NCOA7: variants seen among roughly 807,000 people sequenced by gnomAD.
NCOA7 encodes nuclear receptor coactivator 7, also known as 140 kDa estrogen receptor-associated protein.
In NCOA7, 45 loss-of-function variants were observed where a neutral mutation model predicts 104.3. That is an observed-to-expected ratio of 0.43 (90% CI 0.34 to 0.55). The LOEUF (loss-of-function observed/expected upper bound fraction) is 0.55. Among genes scored for constraint, NCOA7 ranks in the 20% least tolerant of loss-of-function variants. The pLI is 0.02. For missense variants in NCOA7, 1,041 were observed against 1,119.7 expected (o/e 0.93, Z 1.00); for synonymous variants, 398 against 402.3 (o/e 0.99, Z 0.13).
At chr6:125,912,906 G>C (rs1786714687) in intron 10 of NCOA7, among the ~76,000 whole-genome samples, 1 of 152,126 alleles carries the variant, frequency 6.6e-6, no homozygotes, top group Non-Finnish European at 1.5e-5. Flanking sequence ...GGGGTAGACA[G>C]GGATGTAAGA....
chr6:125,910,189 G>A (rs1033589639), intron 10 of NCOA7, among the ~76,000 whole-genome samples: 3 of 152,032 alleles, frequency 2.0e-5, no homozygotes, highest in East Asian at 1.9e-4. Context: ...GGAAAACATC[G>A]GGCATAGCTG....
intron 2 of NCOA7, among the ~76,000 whole-genome samples, chr6:125,854,037 G>T (rs1583382206): frequency 6.6e-6 from 1 of 151,988 alleles, no homozygotes; most frequent in East Asian, 1.9e-4. Context: ...ACATCAAATT[G>T]GACATATGCT....
At chr6:125,792,957 C>A (rs1338959848) in intron 1 of NCOA7, among the ~76,000 whole-genome samples, 1 of 152,178 alleles carries the variant, frequency 6.6e-6, no homozygotes, top group Non-Finnish European at 1.5e-5. Context: ...GGTTTTCTTT[C>A]TGACATTTTA....
intron 2 of NCOA7, among the ~76,000 whole-genome samples, chr6:125,837,202 T>C (rs981540819): frequency 4.0e-5 from 6 of 151,088 alleles, no homozygotes; most frequent in African/African-American, 1.5e-4. Flanking sequence ...AGATAACTTA[T>C]AATTAGCCTG....
At chr6:125,855,306 A>G (rs1284594623) in intron 3 of NCOA7, 66 bp downstream of exon 3, 8 of 1,230,230 alleles carry the variant, frequency 6.5e-6, no homozygotes, top group South Asian at 2.6e-5. Flanking sequence ...TTAAAAGACT[A>G]TCATTTGTGA....
At position 125,878,459 on chromosome 6, in the gene NCOA7, G is replaced by A. The variant is rs1783560430; in HGVS notation, c.459+89G>A. 5.0e-6 allele frequency: 4 copies of A among 798,872 alleles called. No homozygotes were observed. In the Admixed American group the frequency reaches 9.2e-5, roughly 18 times the overall value. 49.5% of individuals were successfully genotyped at this position (798,872 alleles called of 1,614,324 possible). Reference sequence around the variant, plus strand: ...AGTGCCTCACTATTGTTTGTCACAGGATTATGATAAATGATAATGTGCTTT... The same window carrying A: ...AGTGCCTCACTATTGTTTGTCACAGAATTATGATAAATGATAATGTGCTTT... On this transcript the variant is annotated intron_variant, in intron 5 of 15. Transcript: ENST00000392477.
chr6:125,838,038 G>C (rs75077382), intron 2 of NCOA7, among the ~76,000 whole-genome samples: 62 of 152,266 alleles, frequency 4.1e-4, no homozygotes, highest in Non-Finnish European at 7.5e-4. Context: ...CTCTCTAGGG[G>C]CTAAGGAAAA....
intron 2 of NCOA7, among the ~76,000 whole-genome samples, chr6:125,842,844 A>G (rs1295885299): frequency 6.6e-6 from 1 of 152,110 alleles, no homozygotes; most frequent in Non-Finnish European, 1.5e-5. Context: ...TCTTGAATAA[A>G]CCTTTTGCTT....
chr6:125,822,967 G>A (rs1459445179), intron 2 of NCOA7, among the ~76,000 whole-genome samples: 2 of 145,140 alleles, frequency 1.4e-5, no homozygotes, highest in Non-Finnish European at 3.0e-5. Flanking sequence ...AAAAAAACAT[G>A]CTGTTAGCAT....
rs145339830 is a variant in NCOA7 at position 125,879,911 on chromosome 6, G to A, written c.460-1179G>A. Among the ~76,000 whole-genome samples the A allele has an allele frequency of 1.2e-3, 183 of 152,276 alleles. 1 individual carries two copies. Among genetic ancestry groups the A allele is most frequent in the African/African-American group, 4.3e-3 (179 of 41,546 alleles). On this transcript the variant is annotated intron_variant, in intron 5 of 15. Coordinates refer to ENST00000392477, the MANE Select transcript of NCOA7 (RefSeq NM_181782.5). ...CCCAGCTACTTGGGAGGCTGAGGCA[G>A]GAGAATCTCTTGAATGTGGGAGGTG...
intron 1 of NCOA7, among the ~76,000 whole-genome samples, chr6:125,793,649 C>A (rs1203612175): frequency 6.6e-6 from 1 of 152,076 alleles, no homozygotes; most frequent in Non-Finnish European, 1.5e-5. Context: ...ATTTTAGAAA[C>A]CTCTATTCCT....
intron 10 of NCOA7, among the ~76,000 whole-genome samples, chr6:125,900,675 C>T (rs940384074): frequency 1.3e-5 from 2 of 151,856 alleles, no homozygotes; most frequent in African/African-American, 2.4e-5. Context: ...TAAGAACACT[C>T]GTTAGCAAAA....
chr6:125,878,037 G>A (rs1783520649), intron 4 of NCOA7, among the ~76,000 whole-genome samples: 1 of 152,002 alleles, frequency 6.6e-6, no homozygotes, highest in Non-Finnish European at 1.5e-5. Context: ...ATCTATTAGG[G>A]GACAGTGAAA....
intron 3 of NCOA7, among the ~76,000 whole-genome samples, chr6:125,859,848 T>C (rs188365073): frequency 2.0e-5 from 3 of 152,346 alleles, no homozygotes; most frequent in East Asian, 3.9e-4. Flanking sequence ...AAGTCATTGC[T>C]ATCTCCTGAC....
At chr6:125,799,314 C>G (rs369964689) in intron 1 of NCOA7, among the ~76,000 whole-genome samples, 58 of 152,248 alleles carry the variant, frequency 3.8e-4, no homozygotes, top group South Asian at 3.5e-3. Flanking sequence ...GTCTTCCACA[C>G]CAGGTTTATA....
chr6:125,823,545 A>G (rs1778391176), intron 2 of NCOA7, among the ~76,000 whole-genome samples: 1 of 152,142 alleles, frequency 6.6e-6, no homozygotes, highest in Non-Finnish European at 1.5e-5. Flanking sequence ...AGACCAGGCA[A>G]CTCTTAAGTG....
intron 3 of NCOA7, among the ~76,000 whole-genome samples, chr6:125,867,512 T>C (rs1005931808): frequency 2.6e-5 from 4 of 152,220 alleles, no homozygotes; most frequent in Non-Finnish European, 5.9e-5. Flanking sequence ...AGCATGTGGG[T>C]ACCTGTAGTG....
At chr6:125,828,608 G>T (rs1200432963) in intron 2 of NCOA7, among the ~76,000 whole-genome samples, 1 of 152,222 alleles carries the variant, frequency 6.6e-6, no homozygotes, top group Non-Finnish European at 1.5e-5. Flanking sequence ...TGAGGATGGT[G>T]CATCAGAAAG....
At chr6:125,849,702 G>T (rs1290807194) in intron 2 of NCOA7, among the ~76,000 whole-genome samples, 2 of 152,240 alleles carry the variant, frequency 1.3e-5, no homozygotes, top group East Asian at 3.9e-4. Flanking sequence ...GGAAAGATAG[G>T]ATTAGAAGAT....
Sources: allele counts gnomAD v4.1 joint callset (sites outside exome capture counted in the v4.1 genomes callset), GRCh38; gene constraint gnomAD v4.1.1; transcripts MANE v1.5; gene names NCBI Gene and HGNC (gene_info 2026-07-23, HGNC 2026-07-21).